Variants in GRK1 observed in about 807,000 individuals in gnomAD.
The protein encoded by GRK1 is G protein-coupled receptor kinase 1.
In GRK1, 28 loss-of-function variants were observed where a neutral mutation model predicts 41.7. That is an observed-to-expected ratio of 0.67 (90% CI 0.50 to 0.92). The LOEUF (loss-of-function observed/expected upper bound fraction) is 0.92. Ranked by LOEUF, GRK1 falls within the 40% of genes least tolerant of loss-of-function variation. The pLI is 0.00. For synonymous variants in GRK1, 327 were observed against 286.7 expected (o/e 1.14, Z -1.42); for missense variants, 703 against 671.2 (o/e 1.05, Z -0.52).
At chr13:113,670,557 C>T (rs1039569799) in intron 2 of GRK1, among the ~76,000 whole-genome samples, 1 of 152,212 alleles carries the variant, frequency 6.6e-6, no homozygotes, top group South Asian at 2.1e-4. Context: ...CTTTTAATTT[C>T]CAAGGAAATT....
Position 113,735,507 on chromosome 13 carries a change from G to A in GRK1, c.*144G>A, listed in dbSNP as rs1409236012. The A allele has an allele frequency of 1.1e-5, 10 of 909,864 alleles. No homozygotes were observed. Among genetic ancestry groups the A allele is most frequent in the African/African-American group, 5.1e-5 (3 of 59,270 alleles). The allele number at this position is 909,864 out of a possible 1,614,324, so 56.4% of individuals were successfully genotyped here. A position where few individuals can be genotyped will look rare whatever the true frequency, so the allele number is the denominator to read the frequency against. On this transcript the variant is annotated 3_prime_UTR_variant, in exon 7 of 7. Transcript: ENST00000335678. ...GGTCCCCATCACGCCATCTCCTTGC[G>A]GCCCAAGGAGGAGAAAGCCCACATC...
In GRK1 at chr13:113,732,864, G is replaced by A; in HGVS notation, c.1195-20G>A. 1 of 1,534,864 alleles carries A rather than the reference G, an allele frequency of 6.5e-7. No individual in the cohort carries two copies. The highest frequency in any genetic ancestry group is 1.2e-5 in the South Asian group (1 of 83,874). ...AGAGAGGCGGGTCTGGCAGGGCTAA[G>A]GCTACGCGTGTCCCCACAGGTGGAG... is the stretch of plus-strand genomic sequence containing the variant. On this transcript the variant is annotated intron_variant, in intron 5 of 6. Coordinates refer to ENST00000335678, the MANE Select transcript of GRK1 (RefSeq NM_002929.3).
Position 113,731,138 on chromosome 13 carries a change from A to G in GRK1, c.1070-81A>G. 6.7e-7 allele frequency: 1 copy of G among 1,485,426 alleles called. No homozygotes were observed. The highest frequency in any genetic ancestry group is 9.0e-7 in the Non-Finnish European group (1 of 1,114,532). 92.0% of individuals were successfully genotyped at this position (1,485,426 alleles called of 1,614,324 possible). On this transcript the variant is annotated intron_variant, in intron 4 of 6. Transcript: ENST00000335678. The surrounding 1 kb of genome is among the most constrained non-coding windows in gnomAD (Gnocchi z 5.6). ...GGCCCCGGGGGGGATGCATCCCCAGAGCATCAGTCCTGCGATTCCTGGAGT... is the reference window on the plus strand; with the variant it reads ...GGCCCCGGGGGGGATGCATCCCCAGGGCATCAGTCCTGCGATTCCTGGAGT...
chr13:113,730,779 C>T (rs1054987435), intron 4 of GRK1, among the ~76,000 whole-genome samples: 2 of 152,276 alleles, frequency 1.3e-5, no homozygotes, highest in African/African-American at 4.8e-5. Flanking sequence ...GCTCCCCAGG[C>T]CTCCTCTCCA....
upstream of GRK1, among the ~76,000 whole-genome samples, chr13:113,663,951 T>A (rs532842993): frequency 6.6e-6 from 1 of 152,152 alleles, no homozygotes; most frequent in Non-Finnish European, 1.5e-5. Flanking sequence ...AAATAGAAAC[T>A]TCTATTCACA....
rs1018383664 is a variant in GRK1, at chr13:113,670,633, G to A, written c.827+819G>A. 9.9e-5 allele frequency among the ~76,000 whole-genome samples: 15 copies of A among 152,140 alleles called. No homozygotes were observed. The South Asian group carries it at 2.3e-3, about 23-fold the overall frequency. ...ATGTGAGTCCAGACTAAGTCACCAC[G>A]CGGAGGGGGCACTGGGAAGCGCAGA... is the stretch of plus-strand genomic sequence containing the variant. On this transcript the variant is annotated intron_variant, in intron 2 of 6. Transcript: ENST00000335678.
intron 6 of GRK1, among the ~76,000 whole-genome samples, chr13:113,734,141 G>C (rs531671881): frequency 1.3e-5 from 2 of 152,276 alleles, no homozygotes; most frequent in Non-Finnish European, 2.9e-5. Flanking sequence ...CCTGTGGTCA[G>C]GTGGAAGGGT....
the GRK1 span, among the ~76,000 whole-genome samples, chr13:113,651,377 G>A: frequency 2.0e-5 from 3 of 152,214 alleles, no homozygotes; most frequent in African/African-American, 7.2e-5. Flanking sequence ...ACTGGTGGAA[G>A]GTGCACTGGT....
chr13:113,733,845 ATG>A (rs552958092), intron 6 of GRK1, among the ~76,000 whole-genome samples: 6 of 93,914 alleles, frequency 6.4e-5, no homozygotes, highest in Admixed American at 1.1e-4. Context: ...GTGCGTGTGC[ATG>A]TGTATGTGTG....
At position 113,671,552 on chromosome 13, in the gene GRK1, C is replaced by T. The variant is rs756781524; in HGVS notation, c.881C>T (p.Ala294Val). 1 of 778,500 alleles carries T rather than the reference C, an allele frequency of 1.3e-6. No individual in the cohort carries two copies. Among genetic ancestry groups the T allele is most frequent in the Non-Finnish European group, 2.4e-6 (1 of 417,962 alleles). 48.2% of individuals were successfully genotyped at this position (778,500 alleles called of 1,614,324 possible). A position where few individuals can be genotyped will look rare whatever the true frequency, so the allele number is the denominator to read the frequency against. The change falls in exon 3 of 7, where the codon GCC (alanine) becomes GTC (valine). Residue 294 changes from alanine (A) to valine (V), a missense_variant. Ala to Val is a moderately conservative substitution (Grantham distance 64). Coordinates refer to ENST00000335678, the MANE Select transcript of GRK1 (RefSeq NM_002929.3). The surrounding 1 kb of genome is among the most constrained non-coding windows in gnomAD (Gnocchi z 4.1). Reference protein sequence around the residue: ...EENPGFPEPRALFYTAQIICG... With the variant: ...EENPGFPEPRVLFYTAQIICG... ...AACCCTGGCTTCCCGGAGCCGCGCGCCCTCTTCTACACGGCGCAGATCATC... is the reference window on the plus strand; with the variant it reads ...AACCCTGGCTTCCCGGAGCCGCGCGTCCTCTTCTACACGGCGCAGATCATC...
chr13:113,657,019 C>T, the GRK1 span, among the ~76,000 whole-genome samples: 4 of 152,192 alleles, frequency 2.6e-5, no homozygotes, highest in African/African-American at 7.2e-5. Context: ...ACTTCAAATG[C>T]GCCCATGACT....
At chr13:113,658,610 G>C in the GRK1 span, among the ~76,000 whole-genome samples, 2 of 152,200 alleles carry the variant, frequency 1.3e-5, no homozygotes, top group African/African-American at 4.8e-5. Flanking sequence ...AGGCGAGTGA[G>C]GGGCGACCGG....
At chr13:113,653,150 C>T in the GRK1 span, 15 of 1,518,258 alleles carry the variant, frequency 9.9e-6, no homozygotes, top group Non-Finnish European at 1.3e-5. Flanking sequence ...GCCTTGCAAG[C>T]CCTGAGTGCG....
the GRK1 span, among the ~76,000 whole-genome samples, chr13:113,660,340 C>T: frequency 6.6e-6 from 1 of 152,168 alleles, no homozygotes; most frequent in African/African-American, 2.4e-5. Context: ...TATGGAAAGC[C>T]AGGACTGCTA....
intron 5 of GRK1, among the ~76,000 whole-genome samples, chr13:113,732,479 C>A (rs1383837241): frequency 3.3e-5 from 5 of 152,210 alleles, no homozygotes; most frequent in Admixed American, 3.3e-4. Context: ...GGTGGGGCCT[C>A]TGATGGGGAA....
chr13:113,729,265 C>T lies in GRK1; in HGVS notation c.1070-1954C>T, dbSNP rs551318106. ...CGTTAGCAAGACACCAACAGATGTG[C>T]GAGCGAGGCTCCAGGCTCCATCGCT... On this transcript the variant is annotated intron_variant, in intron 4 of 6. Transcript: ENST00000335678. Among the ~76,000 whole-genome samples the T allele has an allele frequency of 7.2e-5, 11 of 152,330 alleles. No homozygotes were observed. In the South Asian group the frequency reaches 1.2e-3, roughly 17 times the overall value.
Position 113,736,293 on chromosome 13 carries a change from C to T in GRK1, c.*930C>T, listed in dbSNP as rs1428340137. ...CCGTCTCATCTCCCAGGGGACACTT[C>T]AGGCCACGGGCCTTGTGCATAGGGA... On this transcript the variant is annotated 3_prime_UTR_variant, in exon 7 of 7. Coordinates refer to ENST00000335678, the MANE Select transcript of GRK1 (RefSeq NM_002929.3). The T allele has an allele frequency of 6.6e-6, 1 of 152,334 alleles. No individual in the cohort carries two copies. Among genetic ancestry groups the T allele is most frequent in the Non-Finnish European group, 1.5e-5 (1 of 68,112 alleles). The allele number at this position is 152,334 out of a possible 1,614,324, so 9.4% of individuals were successfully genotyped here.
intron 4 of GRK1, among the ~76,000 whole-genome samples, chr13:113,725,249 G>A (rs1274738299): frequency 6.6e-6 from 1 of 152,274 alleles, no homozygotes; most frequent in Non-Finnish European, 1.5e-5. Flanking sequence ...CCTTGCCAGT[G>A]CGGTGCGGAC....
chr13:113,654,757 G>C, the GRK1 span: 2 of 1,584,252 alleles, frequency 1.3e-6, no homozygotes, highest in Admixed American at 3.5e-5. Flanking sequence ...CTCCAGAGCC[G>C]AGGAGGCGGC....
Sources: gnomAD v4.1 joint callset for allele counts (sites outside exome capture counted in the v4.1 genomes callset) on GRCh38, gnomAD v4.1.1 for gene constraint, Gnocchi (gnomAD v3.1) non-coding constraint, MANE v1.5 for transcripts, NCBI Gene and HGNC (gene_info 2026-07-23, HGNC 2026-07-21) for gene names.